Variants in MED13L observed in about 807,000 individuals in gnomAD.
MED13L encodes mediator complex subunit 13L.
In MED13L, 7 loss-of-function variants were observed where a neutral mutation model predicts 220.9. The ratio of observed to expected loss-of-function variants is 0.03; its 90% CI spans 0.02 to 0.06. MED13L has a LOEUF of 0.06. Among genes scored for constraint, MED13L ranks in the 10% least tolerant of loss-of-function variants. The probability of loss-of-function intolerance (pLI) is 1.00; values close to 1 mark genes in which losing one functional copy is unlikely to be tolerated. For missense variants in MED13L, 1,965 were observed against 2,760.5 expected (o/e 0.71, Z 6.46); for synonymous variants, 1,011 against 1,015.2 (o/e 1.00, Z 0.08).
At chr12:116,242,817 TTTAA>T (rs2138484520) in intron 1 of MED13L, among the ~76,000 whole-genome samples, 1 of 152,290 alleles carries the variant, frequency 6.6e-6, no homozygotes, top group Non-Finnish European at 1.5e-5. Flanking sequence ...TATAACTAGA[TTTAA>T]GCTGTAACTG....
intron 2 of MED13L, among the ~76,000 whole-genome samples, chr12:116,119,838 AATATAT>A (rs1555213243): frequency 2.6e-3 from 82 of 31,592 alleles, no homozygotes; most frequent in African/African-American, 8.7e-3. Context: ...AAAAAAAAAA[AATATAT>A]ATATATATAT....
rs1465497087 is a variant in MED13L, at chr12:115,961,288, T to C, written c.6611A>G (p.Asn2204Ser). 1.5e-5 allele frequency: 24 copies of C among 1,614,048 alleles called. No homozygotes were observed. Among genetic ancestry groups the C allele is most frequent in the Admixed American group, 1.7e-5 (1 of 60,004 alleles). The change falls in exon 31 of 31, where the codon AAT (asparagine) becomes AGT (serine). Residue 2204 changes from asparagine to serine, a missense_variant. Asn to Ser is a conservative substitution (Grantham distance 46). Transcript: ENST00000281928. ...VHFVVLTQLY[N>S]AIMNIL ...CAATTAAAGTATATTCATGATGGCA[T>C]TGTACAACTGAGTGAGCACCACAAA...
intron 3 of MED13L, among the ~76,000 whole-genome samples, chr12:116,102,701 T>C (rs1202063545): frequency 1.1e-5 from 1 of 89,342 alleles, no homozygotes; most frequent in Non-Finnish European, 2.4e-5. Context: ...CTTTTTCTTT[T>C]TCTTTTTTCT....
intron 2 of MED13L, among the ~76,000 whole-genome samples, chr12:116,156,925 C>G (rs1232582029): frequency 6.6e-6 from 1 of 152,136 alleles, no homozygotes; most frequent in Admixed American, 6.6e-5. Flanking sequence ...AGCAACTAGA[C>G]AGAAGGAGCC....
In MED13L at chr12:116,198,695, C is replaced by A. The variant is rs543873297; in HGVS notation, c.310+38773G>T. 3.3e-5 allele frequency among the ~76,000 whole-genome samples: 5 copies of A among 152,056 alleles called. No individual in the cohort carries two copies. In the East Asian group the frequency reaches 9.7e-4, roughly 29 times the overall value. The stretch of plus-strand genomic sequence containing the variant: ...AGTGTCCATCATCCTGCCTCTAACA[C>A]CTCCCCTAGACTAAGAGCGCCATAA... On this transcript the variant is annotated intron_variant, in intron 2 of 30. Transcript: ENST00000281928.
chr12:115,991,792 G>A lies in MED13L; in HGVS notation c.3162C>T (p.Pro1054=), dbSNP rs1264506113. ...PRFSVPTPRT[P]RTPRTPRGGG... ...CACCTCTGGGAGTTCTTGGGGTCCT[G>A]GGGGTTCGTGGTGTGGGGACAGAGA... The change falls in exon 17 of 31, where the codon CCC becomes CCT. Residue 1054 remains proline (P), a synonymous_variant. Coordinates refer to ENST00000281928, the MANE Select transcript of MED13L (RefSeq NM_015335.5). This position sits in a 1 kb window ranked among gnomAD's most constrained non-coding sequence, Gnocchi z 7.7. The A allele has an allele frequency of 2.5e-6, 4 of 1,613,704 alleles. No individual in the cohort carries two copies. The highest frequency in any genetic ancestry group is 1.7e-6 in the Non-Finnish European group (2 of 1,179,986).
At chr12:116,005,323 TATA>T (rs1878983777) in intron 13 of MED13L, among the ~76,000 whole-genome samples, 2 of 152,202 alleles carry the variant, frequency 1.3e-5, no homozygotes. Flanking sequence ...TCCAAAGAAT[TATA>T]ATAATTATTC....
chr12:116,030,335 G>A (rs781206190), intron 4 of MED13L, among the ~76,000 whole-genome samples: 2 of 151,904 alleles, frequency 1.3e-5, no homozygotes, highest in Non-Finnish European at 2.9e-5. Context: ...TAAACGTGTA[G>A]TTCCTAATAA....
chr12:115,988,078 G>A (rs776899012), intron 17 of MED13L, among the ~76,000 whole-genome samples: 12 of 152,170 alleles, frequency 7.9e-5, no homozygotes, highest in Non-Finnish European at 1.3e-4. Flanking sequence ...GTGATGTGGT[G>A]TGAATCTGCA....
At chr12:115,997,297 C>T in intron 14 of MED13L, 67 bp from the exon 15 acceptor site, 1 of 1,347,528 alleles carries the variant, frequency 7.4e-7, no homozygotes. Context: ...AGCTTATAGC[C>T]AGGCGCACTC....
chr12:116,042,074 C>T (rs997611611), intron 4 of MED13L, among the ~76,000 whole-genome samples: 35 of 152,150 alleles, frequency 2.3e-4, no homozygotes, highest in Non-Finnish European at 2.2e-4. Context: ...AGTAATTGCC[C>T]TCCTCCAATA....
At chr12:116,180,545 A>G (rs923025264) in intron 2 of MED13L, among the ~76,000 whole-genome samples, 1 of 152,144 alleles carries the variant, frequency 6.6e-6, no homozygotes, top group Non-Finnish European at 1.5e-5. Flanking sequence ...CCAAAGTCCC[A>G]AACACTTCTG....
intron 17 of MED13L, among the ~76,000 whole-genome samples, chr12:115,989,948 T>C (rs997302835): frequency 1.6e-4 from 25 of 152,240 alleles, no homozygotes; most frequent in African/African-American, 5.8e-4. Flanking sequence ...TTTTTCCTTT[T>C]TAACTACACA....
intron 4 of MED13L, among the ~76,000 whole-genome samples, chr12:116,082,884 T>C (rs1259999538): frequency 2.0e-5 from 3 of 152,184 alleles, no homozygotes; most frequent in East Asian, 1.9e-4. Context: ...GAATGATTTA[T>C]AGAACAAAGG....
rs893365113 is a variant in MED13L at position 116,007,583 on chromosome 12, T to G, written c.2066A>C (p.Gln689Pro). Residue 689 changes from glutamine (Q) to proline (P), a missense_variant, in exon 11 of 31, where the codon CAG becomes CCG. By Grantham distance (76) the Gln-to-Pro change is moderately conservative (BLOSUM62 -1). This residue lies in a region of MED13L where 818 missense variants were observed against 1,041.2 expected (regional missense o/e 0.79). Coordinates refer to ENST00000281928, the MANE Select transcript of MED13L (RefSeq NM_015335.5). Reference protein sequence around the residue: ...RFKIWQDKQPQLQPLHFLDPL... With the variant: ...RFKIWQDKQPPLQPLHFLDPL... Reference sequence around the variant, plus strand: ...GTCAAGGAAGTGGAGTGGCTGCAACTGGGGCTGTTTGTCTTGCCAGATTTT... The same window carrying G: ...GTCAAGGAAGTGGAGTGGCTGCAACGGGGGCTGTTTGTCTTGCCAGATTTT... 6.3e-7 allele frequency: 1 copy of G among 1,593,638 alleles called. No individual in the cohort carries two copies.
chr12:116,052,049 A>G (rs1346966102), intron 4 of MED13L, among the ~76,000 whole-genome samples: 2 of 151,298 alleles, frequency 1.3e-5, no homozygotes, highest in African/African-American at 4.9e-5. Flanking sequence ...TTTGAAATTT[A>G]ATGTTTATTA....
In MED13L at chr12:115,978,955, T is replaced by G. The variant is rs187328111; in HGVS notation, c.5364+1795A>C. On this transcript the variant is annotated intron_variant, in intron 23 of 30. Coordinates refer to ENST00000281928, the MANE Select transcript of MED13L (RefSeq NM_015335.5). ...ACTGTGCCACCCAGAGAATGAGAATTGCATGGAGGCAGGGGCCTGTTTTGT... is the reference window on the plus strand; with the variant it reads ...ACTGTGCCACCCAGAGAATGAGAATGGCATGGAGGCAGGGGCCTGTTTTGT... 1.9e-3 allele frequency among the ~76,000 whole-genome samples: 297 copies of G among 152,324 alleles called. 1 individual carries two copies. The highest frequency in any genetic ancestry group is 6.8e-3 in the African/African-American group (282 of 41,568).
intron 13 of MED13L, among the ~76,000 whole-genome samples, chr12:116,004,316 T>C (rs1878918335): frequency 6.6e-6 from 1 of 152,188 alleles, no homozygotes; most frequent in African/African-American, 2.4e-5. Flanking sequence ...TCAAATTCAA[T>C]GCCTGGATCA....
chr12:116,193,662 T>TA (rs567638674), intron 2 of MED13L, among the ~76,000 whole-genome samples: 3,103 of 150,534 alleles, frequency 0.021, 59 homozygotes, highest in Middle Eastern at 0.052. Context: ...TATTTTTGTT[T>TA]AAAAAAAAAG....
Sources: allele counts gnomAD v4.1 joint callset (sites outside exome capture counted in the v4.1 genomes callset), GRCh38; gene constraint gnomAD v4.1.1; regional missense constraint gnomAD v4.1.1; non-coding constraint Gnocchi (gnomAD v3.1); transcripts MANE v1.5; gene names NCBI Gene and HGNC (gene_info 2026-07-23, HGNC 2026-07-21).